The following GBP5 variants were observed in gnomAD, a reference collection of about 807,000 sequenced individuals.
GBP5 encodes guanylate binding protein 5, also known as guanylate-binding protein 5.
In GBP5, 48 loss-of-function variants were observed where a neutral mutation model predicts 58.2. The ratio of observed to expected loss-of-function variants is 0.83; its 90% confidence interval spans 0.65 to 1.05. The LOEUF (loss-of-function observed/expected upper bound fraction) is 1.05. GBP5 is among the 50% of genes least tolerant of loss of function. The pLI is 0.00. For missense variants in GBP5, 714 were observed against 686.8 expected, an observed-to-expected ratio of 1.04 and a Z score of -0.44; for synonymous variants, 248 against 251.8, an observed-to-expected ratio of 0.98 and a Z score of 0.14.
chr1:89,270,238 A>G (rs1335351000), intron 2 of GBP5: 2 of 152,168 alleles, frequency 1.3e-5, no homozygotes, highest in African/African-American at 2.4e-5. Flanking sequence ...CTAACTTCTG[A>G]GCATCAATCC....
In GBP5 at chr1:89,263,957, A is replaced by G; in HGVS notation, c.1150-9T>C. ...TTTGCATCTAGTAGAGTCTTCAAAG[A>G]GACAAAAACCCATGGAAAAGATGTT... On this transcript the variant is annotated splice_polypyrimidine_tract_variant and intron_variant, in intron 8 of 11. Transcript: ENST00000370459. The G allele has an allele frequency of 6.6e-7, 1 of 1,524,932 alleles. No homozygotes were observed. The highest frequency in any genetic ancestry group is 9.1e-7 in the Non-Finnish European group (1 of 1,102,600). 94.5% of individuals were successfully genotyped at this position (1,524,932 alleles called of 1,614,324 possible).
In GBP5 at chr1:89,268,700, G is replaced by A. The variant is rs764153608; in HGVS notation, c.318+29C>T. 9 of 1,611,178 alleles carry A rather than the reference G, an allele frequency of 5.6e-6. No individual in the cohort carries two copies. In the East Asian group the frequency reaches 1.6e-4, roughly 28 times the overall value. ...CTGTGAAAAGACAGTTCAGAGATTA[G>A]GAGGTTAAAAAAAGGAATCCTTCCT... is the stretch of plus-strand genomic sequence containing the variant. On this transcript the variant is annotated intron_variant, in intron 4 of 11. Transcript: ENST00000370459.
chr1:89,262,896 G>GCCATAGGAGAGGCT (rs1445898330), intron 9 of GBP5, 111 bp from the exon 10 acceptor site: 2 of 663,560 alleles, frequency 3.0e-6, no homozygotes, highest in East Asian at 3.0e-5. Context: ...GGAGAGGCTT[G>GCCATAGGAGAGGCT]CCATAGGAGA....
intron 8 of GBP5, 86 bp from the exon 9 acceptor site, chr1:89,264,034 T>C: frequency 1.1e-6 from 1 of 902,352 alleles, no homozygotes; most frequent in Non-Finnish European, 1.7e-6. Context: ...TCTATATTTT[T>C]TTCTACAAAC....
rs759753460 is a variant in GBP5, at chr1:89,268,878, T to G, written c.191-22A>C. ...AAGCCTGTCAGGGGGAGTGAGAGGT[T>G]GTAATAGAAGAGAAACTCTGGAAAT... On this transcript the variant is annotated intron_variant, in intron 3 of 11. Transcript: ENST00000370459. 6.8e-6 allele frequency: 11 copies of G among 1,608,424 alleles called. No individual in the cohort carries two copies. In the Admixed American group the frequency reaches 1.9e-4, roughly 28 times the overall value.
In GBP5 at chr1:89,257,750, T is replaced by C. The variant is rs72965522; in HGVS notation, c.*2954A>G. Among the ~76,000 whole-genome samples, 2,322 of 152,322 alleles carry C rather than the reference T, an allele frequency of 0.015. 64 individuals carry two copies. Among genetic ancestry groups the C allele is most frequent in the African/African-American group, 0.052 (2,151 of 41,564 alleles). ...AGCTGGTATGAATAACTATTCATAG[T>C]ATTAACTAATAAAGATTTTGTACTT... On this transcript the variant is annotated 3_prime_UTR_variant, in exon 12 of 12. Transcript: ENST00000370459.
At position 89,260,702 on chromosome 1, in the gene GBP5, C is replaced by A. The variant is rs1649974359; in HGVS notation, c.*2G>T. On this transcript the variant is annotated 3_prime_UTR_variant, in exon 12 of 12. Transcript: ENST00000370459. ...AAAAAGGAAACTCCCATATTTAGCA[C>A]TTTAGAGTAAAACACATGGATCATC... The A allele has an allele frequency of 6.3e-7, 1 of 1,599,640 alleles. No homozygotes were observed. Among genetic ancestry groups the A allele is most frequent in the Admixed American group, 1.7e-5 (1 of 59,954 alleles).
chr1:89,260,481 A>T lies in GBP5; in HGVS notation c.*223T>A. 1 of 435,306 alleles carries T rather than the reference A, an allele frequency of 2.3e-6. No homozygotes were observed. The highest frequency in any genetic ancestry group is 4.0e-5 in the East Asian group (1 of 25,252). 27.0% of individuals were successfully genotyped at this position (435,306 alleles called of 1,614,324 possible). On this transcript the variant is annotated 3_prime_UTR_variant, in exon 12 of 12. Transcript: ENST00000370459. ...GCAGTGATACAATGTCCCTTATACA[A>T]TTTATAATCTCTTAAAGGAAGCAAT...
At position 89,262,377 on chromosome 1, in the gene GBP5, T is replaced by A; in HGVS notation, c.1490A>T (p.Glu497Val). 6.2e-7 allele frequency: 1 copy of A among 1,614,002 alleles called. No individual in the cohort carries two copies. Among genetic ancestry groups the A allele is most frequent in the Non-Finnish European group, 8.5e-7 (1 of 1,179,990 alleles). The change falls in exon 11 of 12, where the codon GAA (glutamate) becomes GTA (valine). Residue 497 changes from glutamate (E) to valine (V), a missense_variant. Glu to Val is a moderately radical substitution (Grantham distance 121, BLOSUM62 -2). Coordinates refer to ENST00000370459, the MANE Select transcript of GBP5 (RefSeq NM_052942.5). Reference protein sequence around the residue: ...KKEAQVKAEAEKAEAQRLAAI... With the variant: ...KKEAQVKAEAVKAEAQRLAAI... ...CGCCAACCTTTGCGCTTCAGCCTTTTCAGCTTCTGCTTTCACTTGTGCCTC... is the reference window on the plus strand; with the variant it reads ...CGCCAACCTTTGCGCTTCAGCCTTTACAGCTTCTGCTTTCACTTGTGCCTC...
chr1:89,262,305 A>G lies in GBP5; in HGVS notation c.1562T>C (p.Leu521Pro), dbSNP rs1324338608. The G allele has an allele frequency of 3.7e-6, 6 of 1,613,992 alleles. No homozygotes were observed. In the African/African-American group the frequency reaches 8.0e-5, roughly 22 times the overall value. The change falls in exon 11 of 12, where the codon CTC becomes CCC. Residue 521 changes from leucine (L) to proline (P), a missense_variant. By Grantham distance (98) the Leu-to-Pro change is moderately conservative. Coordinates refer to ENST00000370459, the MANE Select transcript of GBP5 (RefSeq NM_052942.5). ...NEQMMQERER[L>P]HQEQVRQMEI... ...CATTTGTCTCACTTGTTCCTGATGG[A>G]GTCTCTCCCTCTCCTGCATCATTTG...
intron 8 of GBP5, among the ~76,000 whole-genome samples, chr1:89,264,153 C>CT (rs1650119124): frequency 6.6e-6 from 1 of 152,010 alleles, no homozygotes; most frequent in Admixed American, 6.6e-5. Flanking sequence ...GTTTGAATCT[C>CT]TTGTTATTTC....
chr1:89,260,262 C>CT lies in GBP5; in HGVS notation c.*441dup. 6.3e-6 allele frequency: 1 copy of CT among 159,848 alleles called. No individual in the cohort carries two copies. The highest frequency in any genetic ancestry group is 1.4e-5 in the Non-Finnish European group (1 of 72,704). The allele number at this position is 159,848 out of a possible 1,614,324, so 9.9% of individuals were successfully genotyped here. A position where few individuals can be genotyped will look rare whatever the true frequency, so the allele number is the denominator to read the frequency against. ...GGTGGAGCTCAGGCTGTAATGCTCACTTACCTGCTGCTCACCTCCTGCTGT... is the reference window on the plus strand; with the variant it reads ...GGTGGAGCTCAGGCTGTAATGCTCACTTTACCTGCTGCTCACCTCCTGCTGT... On this transcript the variant is annotated 3_prime_UTR_variant, in exon 12 of 12. Coordinates refer to ENST00000370459, the MANE Select transcript of GBP5 (RefSeq NM_052942.5).
intron 3 of GBP5, among the ~76,000 whole-genome samples, 165 bp downstream of exon 3, chr1:89,269,201 G>A (rs1377340481): frequency 6.6e-6 from 1 of 152,066 alleles, no homozygotes; most frequent in African/African-American, 2.4e-5. Flanking sequence ...GTCAGGAACA[G>A]AGAACTGGTC....
chr1:89,265,801 T>C (rs551830334), intron 7 of GBP5, among the ~76,000 whole-genome samples: 3 of 152,182 alleles, frequency 2.0e-5, no homozygotes, highest in South Asian at 2.1e-4. Flanking sequence ...TTGTTTGAAC[T>C]TTCCTGTTTT....
rs147666984 is a variant in GBP5 at position 89,256,743 on chromosome 1, C to G, written c.*3961G>C. Among the ~76,000 whole-genome samples, 5 of 152,088 alleles carry G rather than the reference C, an allele frequency of 3.3e-5. No individual in the cohort carries two copies. The highest frequency in any genetic ancestry group is 2.1e-4 in the South Asian group (1 of 4,816). The stretch of plus-strand genomic sequence containing the variant: ...CATAGTTTTACATTTTATATTTTAT[C>G]AATTTGGGTGTGGTTCCTTTTTCTT... On this transcript the variant is annotated 3_prime_UTR_variant, in exon 12 of 12. Transcript: ENST00000370459.
rs145007481 is a variant in GBP5 at position 89,266,427 on chromosome 1, G to T, written c.787C>A (p.Gln263Lys). The T allele has an allele frequency of 1.9e-6, 3 of 1,614,068 alleles. No individual in the cohort carries two copies. In the African/African-American group the frequency reaches 4.0e-5, roughly 22 times the overall value. Reference sequence around the variant, plus strand: ...ATGTAGGAACAGAATTCTGTCACTTGTTGCACAAATTCAGGCTCTAGCTCA... The same window carrying T: ...ATGTAGGAACAGAATTCTGTCACTTTTTGCACAAATTCAGGCTCTAGCTCA... ...DDELEPEFVQ[Q>K]VTEFCSYIFS... The change falls in exon 7 of 12, where the codon CAA becomes AAA. Residue 263 changes from glutamine to lysine, a missense_variant. Gln to Lys is a moderately conservative substitution (Grantham distance 53, BLOSUM62 1). Transcript: ENST00000370459.
At position 89,266,345 on chromosome 1, in the gene GBP5, C is replaced by T. The variant is rs140405391; in HGVS notation, c.868+1G>A. ...AGGAAAATCCTAAAAATAATACTCACGAGATCCATTGACCATGATGCCACC... is the reference window on the plus strand; with the variant it reads ...AGGAAAATCCTAAAAATAATACTCATGAGATCCATTGACCATGATGCCACC... On this transcript the variant is annotated splice_donor_variant, in intron 7 of 11. Coordinates refer to ENST00000370459, the MANE Select transcript of GBP5 (RefSeq NM_052942.5). LOFTEE classifies it high-confidence loss of function. The T allele has an allele frequency of 2.9e-5, 47 of 1,610,724 alleles. No homozygotes were observed. Among genetic ancestry groups the T allele is most frequent in the Non-Finnish European group, 3.1e-5 (37 of 1,177,310 alleles).
rs1205289595 is a variant in GBP5 at position 89,257,246 on chromosome 1, T to C, written c.*3458A>G. ...AAGAGGAACAAAGGCACATCTTACA[T>C]GGTGTCAGGCAAGAGAGCATGTGCA... On this transcript the variant is annotated 3_prime_UTR_variant, in exon 12 of 12. Transcript: ENST00000370459. Among the ~76,000 whole-genome samples, 1 of 152,184 alleles carries C rather than the reference T, an allele frequency of 6.6e-6. No homozygotes were observed. Among genetic ancestry groups the C allele is most frequent in the East Asian group, 1.9e-4 (1 of 5,194 alleles).
At chr1:89,269,240 C>T (rs1650343830) in intron 3 of GBP5, 126 bp downstream of exon 3, 2 of 913,684 alleles carry the variant, frequency 2.2e-6, no homozygotes, top group Non-Finnish European at 1.7e-6. Flanking sequence ...AAAAGACCAG[C>T]TGTAGCCTAA....
Sources: allele counts gnomAD v4.1 joint callset (sites outside exome capture counted in the v4.1 genomes callset), GRCh38; gene constraint gnomAD v4.1.1; transcripts MANE v1.5; gene names NCBI Gene and HGNC (gene_info 2026-07-23, HGNC 2026-07-21).